SEL1L3: variants seen among roughly 807,000 people sequenced by gnomAD.
The protein encoded by SEL1L3 is SEL1L family member 3.
Under a neutral mutation model 142.8 loss-of-function variants are expected in SEL1L3, and 76 were observed. The observed-to-expected ratio is 0.53, with a 90% confidence interval of 0.44 to 0.64. The LOEUF (loss-of-function observed/expected upper bound fraction) is 0.64, where lower values mean the gene tolerates loss of function less well. Ranked by LOEUF, SEL1L3 falls within the 30% of genes least tolerant of loss-of-function variation. The probability of loss-of-function intolerance (pLI) is 0.00; values close to 1 mark genes in which losing one functional copy is unlikely to be tolerated. For synonymous variants in SEL1L3, 504 were observed against 519.6 expected, an observed-to-expected ratio of 0.97 and a Z score of 0.41; for missense variants, 1,262 against 1,381.7, an observed-to-expected ratio of 0.91 and a Z score of 1.37.
chr4:25,714,755 C>T, the SEL1L3 span, among the ~76,000 whole-genome samples: 2 of 151,582 alleles, frequency 1.3e-5, no homozygotes, highest in East Asian at 3.9e-4. Context: ...ATTTTTTAGT[C>T]GAGATGGGGT....
Position 25,811,367 on chromosome 4 carries a change from G to A in SEL1L3, c.1565-6615C>T, listed in dbSNP as rs529014828. 3.9e-5 allele frequency among the ~76,000 whole-genome samples: 6 copies of A among 152,342 alleles called. No individual in the cohort carries two copies. In the South Asian group the frequency reaches 1.2e-3, roughly 32 times the overall value. On this transcript the variant is annotated intron_variant, in intron 9 of 23. Transcript: ENST00000399878. ...CTGAGAAACAGAACGATGTTTTACA[G>A]AAGTGTCTACCGAGAAAGAGCAGCC...
intron 20 of SEL1L3, among the ~76,000 whole-genome samples, chr4:25,760,723 G>A (rs1453084367): frequency 6.6e-6 from 1 of 152,058 alleles, no homozygotes; most frequent in East Asian, 1.9e-4. Context: ...CATTTACCAG[G>A]TTGCATACTC....
chr4:25,826,841 T>C (rs1474161261), intron 6 of SEL1L3, among the ~76,000 whole-genome samples: 4 of 152,136 alleles, frequency 2.6e-5, no homozygotes, highest in Non-Finnish European at 5.9e-5. Context: ...TTTTTGTATT[T>C]TTAGTAGAGT....
chr4:25,854,264 A>G (rs748116065), intron 1 of SEL1L3, among the ~76,000 whole-genome samples: 11 of 152,246 alleles, frequency 7.2e-5, no homozygotes, highest in South Asian at 2.1e-4. Flanking sequence ...TAGTTTGCGA[A>G]CTGCTTTTCT....
chr4:25,780,108 T>C (rs1357534090), intron 15 of SEL1L3, among the ~76,000 whole-genome samples: 1 of 152,178 alleles, frequency 6.6e-6, no homozygotes, highest in Non-Finnish European at 1.5e-5. Context: ...ACTTCCATTC[T>C]TCCAACGCAA....
intron 1 of SEL1L3, among the ~76,000 whole-genome samples, chr4:25,856,593 T>TAAAAAAAAAAAAAAAAAAAAAAAAAAAAA (rs397765802): frequency 8.5e-6 from 1 of 117,122 alleles, no homozygotes. Flanking sequence ...GTATTGTAAT[T>TAAAAAAAAAAAAAAAAAAAAAAAAAAAAA]AAAAAAAAAA....
At chr4:25,736,066 T>G in the SEL1L3 span, among the ~76,000 whole-genome samples, 1 of 151,838 alleles carries the variant, frequency 6.6e-6, no homozygotes, top group African/African-American at 2.4e-5. Flanking sequence ...CCTGACCTCG[T>G]GATCCACCCG....
At chr4:25,792,193 T>A (rs1712385993) in intron 11 of SEL1L3, among the ~76,000 whole-genome samples, 1 of 152,198 alleles carries the variant, frequency 6.6e-6, no homozygotes, top group South Asian at 2.1e-4. Context: ...TACGTGGTAT[T>A]TTTTTCCTTT....
upstream of SEL1L3, chr4:25,863,464 G>T (rs766417716): frequency 3.8e-5 from 26 of 688,564 alleles, no homozygotes; most frequent in Admixed American, 6.1e-5. Context: ...ACCAGTTCCC[G>T]CCCGTGCAAT....
At chr4:25,750,825 A>T (rs1167575873) in intron 23 of SEL1L3, among the ~76,000 whole-genome samples, 3 of 152,176 alleles carry the variant, frequency 2.0e-5, no homozygotes, top group African/African-American at 7.2e-5. Context: ...ATATCACCAT[A>T]CTCTTTTTAA....
intron 15 of SEL1L3, among the ~76,000 whole-genome samples, chr4:25,779,960 A>C (rs867645400): frequency 6.6e-6 from 1 of 152,172 alleles, no homozygotes; most frequent in Admixed American, 6.5e-5. Context: ...CCTAGAGTGA[A>C]GGGTTGTTGT....
At chr4:25,742,955 C>A (rs10019324), downstream of SEL1L3, among the ~76,000 whole-genome samples, 62,222 of 151,958 alleles carry the variant, frequency 0.41, 14,315 homozygotes, top group East Asian at 0.67. Flanking sequence ...AGACTTGTCA[C>A]AATGAAGTCA....
intron 12 of SEL1L3, among the ~76,000 whole-genome samples, chr4:25,789,186 T>G (rs1031661200): frequency 3.9e-5 from 6 of 152,276 alleles, no homozygotes; most frequent in Middle Eastern, 3.4e-3. Context: ...GCTTCTCCTC[T>G]CATCTCGTTC....
chr4:25,725,823 A>C, the SEL1L3 span, among the ~76,000 whole-genome samples: 2 of 151,984 alleles, frequency 1.3e-5, no homozygotes, highest in African/African-American at 2.4e-5. Flanking sequence ...CACTGGTGGG[A>C]GTGTCTTTTA....
chr4:25,827,708 A>T (rs1715183580), intron 6 of SEL1L3, among the ~76,000 whole-genome samples: 1 of 152,110 alleles, frequency 6.6e-6, no homozygotes, highest in African/African-American at 2.4e-5. Context: ...TCTTTCTCCC[A>T]TTCACTCATA....
In SEL1L3 at chr4:25,862,655, G is replaced by A. The variant is rs1301555709; in HGVS notation, c.162+20C>T. The A allele has an allele frequency of 1.6e-6, 2 of 1,244,400 alleles. No homozygotes were observed. The highest frequency in any genetic ancestry group is 3.1e-4 in the Middle Eastern group (1 of 3,240). 77.1% of individuals were successfully genotyped at this position (1,244,400 alleles called of 1,614,324 possible). A position where few individuals can be genotyped will look rare whatever the true frequency, so the allele number is the denominator to read the frequency against. ...GGGCCCCGCGCGGAGGGGAAGACCC[G>A]GGCAGGGTCCGGCGCTCACCAGGTA... On this transcript the variant is annotated intron_variant, in intron 1 of 23. Coordinates refer to ENST00000399878, the MANE Select transcript of SEL1L3 (RefSeq NM_015187.5).
At chr4:25,830,220 C>A in intron 5 of SEL1L3, 64 bp from the exon 6 acceptor site, 1 of 1,035,654 alleles carries the variant, frequency 9.7e-7, no homozygotes. Context: ...CTATGCAGTC[C>A]TTTGTGTAAA....
intron 13 of SEL1L3, among the ~76,000 whole-genome samples, chr4:25,785,251 T>A (rs772004843): frequency 8.5e-5 from 13 of 152,206 alleles, no homozygotes; most frequent in Non-Finnish European, 1.8e-4. Flanking sequence ...ACAGCGCTAG[T>A]TACCGTTCCT....
rs528973033 is a variant in SEL1L3 at position 25,819,235 on chromosome 4, A to T, written c.1423+573T>A. ...ATAAACACCCTGTGTGAGTAAAAGG[A>T]TGTCTGTGCAAATATGAGCATGCAT... On this transcript the variant is annotated intron_variant, in intron 8 of 23. Transcript: ENST00000399878. Among the ~76,000 whole-genome samples the T allele has an allele frequency of 8.5e-5, 13 of 152,356 alleles. No individual in the cohort carries two copies. In the South Asian group the frequency reaches 2.7e-3, roughly 32 times the overall value.
Sources: allele counts gnomAD v4.1 joint callset (sites outside exome capture counted in the v4.1 genomes callset), GRCh38; gene constraint gnomAD v4.1.1; transcripts MANE v1.5; gene names NCBI Gene and HGNC (gene_info 2026-07-23, HGNC 2026-07-21).